CCDC60: variants seen among roughly 807,000 people sequenced by gnomAD.
CCDC60 encodes coiled-coil domain containing 60.
In CCDC60, 54 loss-of-function variants were observed where a neutral mutation model predicts 63.5. That is an observed-to-expected ratio of 0.85 (90% CI 0.68 to 1.07). The LOEUF is 1.07. Among genes scored for constraint, CCDC60 ranks in the 50% least tolerant of loss-of-function variants. The pLI, the probability that CCDC60 is intolerant of heterozygous loss-of-function variation, is 0.00. For synonymous variants in CCDC60, 206 were observed against 238.8 expected, an observed-to-expected ratio of 0.86 and a Z score of 1.27; for missense variants, 651 against 684.3, an observed-to-expected ratio of 0.95 and a Z score of 0.54.
chr12:119,425,539 AG>A (rs1956884696), intron 1 of CCDC60, among the ~76,000 whole-genome samples: 1 of 152,212 alleles, frequency 6.6e-6, no homozygotes, highest in African/African-American at 2.4e-5. Flanking sequence ...TAAATAATAA[AG>A]GAAATGTTCA....
Position 119,528,709 on chromosome 12 carries a change from G to A in CCDC60, c.1324G>A (p.Val442Ile), listed in dbSNP as rs1952758604. Residue 442 changes from valine to isoleucine, a missense_variant, in exon 12 of 14, where the codon GTA becomes ATA. By Grantham distance (29) the Val-to-Ile change is conservative. Coordinates refer to ENST00000327554, the MANE Select transcript of CCDC60 (RefSeq NM_178499.5). ...DIAKMRHHIS[V>I]VKGDAEEIAD... The stretch of plus-strand genomic sequence containing the variant: ...AGCAAAAATGAGACATCACATATCT[G>A]TAGTAAAAGGAGATGCAGAAGAAAT... 1.2e-6 allele frequency: 2 copies of A among 1,613,896 alleles called. No individual in the cohort carries two copies. Among genetic ancestry groups the A allele is most frequent in the South Asian group, 1.1e-5 (1 of 91,004 alleles).
intron 7 of CCDC60, among the ~76,000 whole-genome samples, chr12:119,514,185 T>C (rs1952289934): frequency 6.6e-6 from 1 of 151,954 alleles, no homozygotes; most frequent in Non-Finnish European, 1.5e-5. Flanking sequence ...TTTTCTTTTT[T>C]TTTTTCCTGA....
rs763371278 is a variant in CCDC60, at chr12:119,523,806, A to G, written c.1217A>G (p.Glu406Gly). Residue 406 changes from glutamate (E) to glycine (G), a missense_variant, in exon 11 of 14, where the codon GAA becomes GGA. By Grantham distance (98) the Glu-to-Gly change is moderately conservative (BLOSUM62 -2). Coordinates refer to ENST00000327554, the MANE Select transcript of CCDC60 (RefSeq NM_178499.5). ...GGCTTCTGCCTGCAGGACAAGATGG[A>G]AATCCTCATGAAGTAAGCGCACATA... ...EAGFCLQDKM[E>G]ILMKRQEERG... The G allele has an allele frequency of 5.0e-6, 8 of 1,614,012 alleles. No homozygotes were observed. The highest frequency in any genetic ancestry group is 6.8e-6 in the Non-Finnish European group (8 of 1,179,992).
intron 7 of CCDC60, among the ~76,000 whole-genome samples, chr12:119,514,216 G>T (rs1296797195): frequency 6.7e-6 from 1 of 150,200 alleles, no homozygotes; most frequent in Admixed American, 6.7e-5. Flanking sequence ...CGCTCATGTT[G>T]CCCAGGCTGG....
chr12:119,381,319 C>T (rs995367945), intron 1 of CCDC60, among the ~76,000 whole-genome samples: 1 of 152,168 alleles, frequency 6.6e-6, no homozygotes, highest in African/African-American at 2.4e-5. Flanking sequence ...TTGTCATGGG[C>T]TTAGGGTCTT....
chr12:119,436,411 T>A (rs11612890), intron 2 of CCDC60, among the ~76,000 whole-genome samples: 18,228 of 150,690 alleles, frequency 0.12, 1,341 homozygotes, highest in East Asian at 0.3. Flanking sequence ...GAGCCAGAGG[T>A]TCCAGGGAAC....
intron 2 of CCDC60, among the ~76,000 whole-genome samples, chr12:119,457,592 A>G (rs1950771662): frequency 6.6e-6 from 1 of 152,258 alleles, no homozygotes; most frequent in African/African-American, 2.4e-5. Context: ...TTGTGTACGT[A>G]GTTGACCTTT....
chr12:119,350,754 A>C (rs73217246), intron 1 of CCDC60, among the ~76,000 whole-genome samples: 3,891 of 151,888 alleles, frequency 0.026, 61 homozygotes, highest in Non-Finnish European at 0.04. Flanking sequence ...CCAGCTGTGC[A>C]CTCCCCTCAG....
chr12:119,466,914 C>T (rs1950963960), intron 2 of CCDC60, among the ~76,000 whole-genome samples: 2 of 152,178 alleles, frequency 1.3e-5, no homozygotes, highest in African/African-American at 4.8e-5. Context: ...GGAAGAAGCA[C>T]CTTTCCATAA....
chr12:119,489,700 A>G (rs2136378619), intron 5 of CCDC60, among the ~76,000 whole-genome samples: 1 of 152,292 alleles, frequency 6.6e-6, no homozygotes, highest in East Asian at 1.9e-4. Context: ...TGAAAATCAG[A>G]GGCTGAGTTA....
intron 1 of CCDC60, among the ~76,000 whole-genome samples, chr12:119,385,890 G>T (rs1414896484): frequency 6.6e-6 from 1 of 152,140 alleles, no homozygotes; most frequent in South Asian, 2.1e-4. Context: ...CCCTTGTAGG[G>T]GGATCTATGC....
chr12:119,406,783 T>C (rs916771454), intron 1 of CCDC60, among the ~76,000 whole-genome samples: 1 of 151,946 alleles, frequency 6.6e-6, no homozygotes, highest in Non-Finnish European at 1.5e-5. Context: ...CCCACTTACC[T>C]ACATACCCCC....
At chr12:119,452,406 T>C (rs147331568) in intron 2 of CCDC60, among the ~76,000 whole-genome samples, 15 of 152,328 alleles carry the variant, frequency 9.8e-5, no homozygotes, top group Non-Finnish European at 1.8e-4. Flanking sequence ...TAAGACAATA[T>C]TATCTTGAAG....
At chr12:119,453,880 G>A (rs968093102) in intron 2 of CCDC60, among the ~76,000 whole-genome samples, 12 of 152,066 alleles carry the variant, frequency 7.9e-5, no homozygotes, top group Non-Finnish European at 1.5e-4. Flanking sequence ...AAGAGAAGTC[G>A]ATGATAATTT....
At chr12:119,519,851 A>AGT (rs1375259043) in intron 8 of CCDC60, among the ~76,000 whole-genome samples, 3 of 138,086 alleles carry the variant, frequency 2.2e-5, no homozygotes, top group African/African-American at 8.6e-5. Context: ...AGAGAGAGAG[A>AGT]GAGAGTGTGT....
At chr12:119,474,685 T>G (rs906899430) in intron 3 of CCDC60, among the ~76,000 whole-genome samples, 2 of 152,068 alleles carry the variant, frequency 1.3e-5, no homozygotes, top group African/African-American at 2.4e-5. Context: ...AACAGTTAAT[T>G]TTATGTTCTG....
At chr12:119,436,808 A>G (rs1174247443) in intron 2 of CCDC60, among the ~76,000 whole-genome samples, 5 of 152,198 alleles carry the variant, frequency 3.3e-5, no homozygotes, top group African/African-American at 1.2e-4. Context: ...GAGTGCTGGG[A>G]TTACAGGCAT....
At chr12:119,496,847 T>C (rs1593173265) in intron 5 of CCDC60, among the ~76,000 whole-genome samples, 1 of 152,186 alleles carries the variant, frequency 6.6e-6, no homozygotes, top group Non-Finnish European at 1.5e-5. Context: ...TTCCTGGCCT[T>C]GATACTCGGA....
At chr12:119,485,347 C>G (rs1297103117) in intron 4 of CCDC60, among the ~76,000 whole-genome samples, 1 of 152,210 alleles carries the variant, frequency 6.6e-6, no homozygotes, top group African/African-American at 2.4e-5. Flanking sequence ...GCACAAGGAA[C>G]AGACAGGACA....
Sources: allele counts gnomAD v4.1 joint callset (sites outside exome capture counted in the v4.1 genomes callset), GRCh38; gene constraint gnomAD v4.1.1; transcripts MANE v1.5; gene names NCBI Gene and HGNC (gene_info 2026-07-23, HGNC 2026-07-21).